Variants in NALF1 observed in about 807,000 individuals in gnomAD.
NALF1 encodes the protein NALCN channel auxiliary factor 1.
Under a neutral mutation model 48.4 loss-of-function variants are expected in NALF1, and 3 were observed. The observed-to-expected ratio is 0.06, with a 90% CI of 0.03 to 0.16. The LOEUF is 0.16. NALF1 is among the 10% of genes least tolerant of loss of function. NALF1 has a pLI of 1.00. For synonymous variants in NALF1, 262 were observed against 245.7 expected, an observed-to-expected ratio of 1.07 and a Z score of -0.62; for missense variants, 526 against 571.5, an observed-to-expected ratio of 0.92 and a Z score of 0.81.
intron 1 of NALF1, among the ~76,000 whole-genome samples, chr13:107,541,004 G>T (rs1183960657): frequency 2.0e-5 from 3 of 151,986 alleles, no homozygotes; most frequent in Admixed American, 2.0e-4. Flanking sequence ...TTCTTAATTA[G>T]ACTTGTTATT....
intron 1 of NALF1, among the ~76,000 whole-genome samples, chr13:107,231,203 TA>T (rs1009225994): frequency 3.9e-5 from 6 of 152,044 alleles, no homozygotes; most frequent in African/African-American, 1.4e-4. Context: ...ATAGGTTTTG[TA>T]AAAATATTTA....
chr13:107,351,943 G>A (rs1245372114), intron 1 of NALF1, among the ~76,000 whole-genome samples: 1 of 152,194 alleles, frequency 6.6e-6, no homozygotes, highest in Non-Finnish European at 1.5e-5. Flanking sequence ...GATAGGCACT[G>A]ATGCTAAACA....
chr13:107,617,654 A>AG (rs1879416093), intron 1 of NALF1, among the ~76,000 whole-genome samples: 1 of 152,238 alleles, frequency 6.6e-6, no homozygotes. Context: ...CAATAGGCTA[A>AG]GGCAGGAAAG....
intron 2 of NALF1, among the ~76,000 whole-genome samples, chr13:107,174,905 A>G (rs1418587821): frequency 6.7e-6 from 1 of 149,766 alleles, no homozygotes; most frequent in Non-Finnish European, 1.5e-5. Context: ...TTTTTTTGAG[A>G]CGGAGTCTCG....
At chr13:107,259,271 T>C (rs1162194482) in intron 1 of NALF1, among the ~76,000 whole-genome samples, 1 of 152,186 alleles carries the variant, frequency 6.6e-6, no homozygotes, top group Non-Finnish European at 1.5e-5. Context: ...GGATCTTCAA[T>C]AACTATTTTC....
intron 1 of NALF1, among the ~76,000 whole-genome samples, chr13:107,609,301 C>T (rs139385846): frequency 8.3e-4 from 126 of 152,276 alleles, no homozygotes; most frequent in African/African-American, 2.8e-3. Context: ...CCAGGAACAT[C>T]ATTCTGTCCT....
At position 107,218,521 on chromosome 13, in the gene NALF1, C is replaced by G. The variant is rs544024803; in HGVS notation, c.916-7766G>C. On this transcript the variant is annotated intron_variant, in intron 1 of 2. Transcript: ENST00000375915. ...ATCCTGCCCAGAGCAGAGACTCAAA[C>G]CAGGAACCCTGATGAGCCCCCAACA... Among the ~76,000 whole-genome samples the G allele has an allele frequency of 5.9e-3, 903 of 152,286 alleles. 4 individuals carry two copies. Among genetic ancestry groups the G allele is most frequent in the African/African-American group, 0.021 (872 of 41,546 alleles).
At chr13:107,826,874 G>C (rs902525543) in intron 1 of NALF1, among the ~76,000 whole-genome samples, 3 of 152,214 alleles carry the variant, frequency 2.0e-5, no homozygotes, top group African/African-American at 4.8e-5. Flanking sequence ...GGACTGCTGG[G>C]AAAAGATATG....
At chr13:107,817,132 ATG>A (rs1291685376) in intron 1 of NALF1, among the ~76,000 whole-genome samples, 1 of 152,208 alleles carries the variant, frequency 6.6e-6, no homozygotes, top group Non-Finnish European at 1.5e-5. Context: ...AGAGGCAAAT[ATG>A]TGATGAAAAT....
intron 1 of NALF1, among the ~76,000 whole-genome samples, chr13:107,834,556 A>C (rs1879834975): frequency 6.6e-6 from 1 of 152,216 alleles, no homozygotes; most frequent in African/African-American, 2.4e-5. Flanking sequence ...ACAATTAACT[A>C]GTGTAATTAA....
intron 1 of NALF1, among the ~76,000 whole-genome samples, chr13:107,538,936 TA>T (rs1383020750): frequency 1.3e-5 from 2 of 152,124 alleles, no homozygotes; most frequent in Non-Finnish European, 2.9e-5. Context: ...CCATTCTTAT[TA>T]TAATTATGAT....
At chr13:107,840,900 T>C (rs182250162) in intron 1 of NALF1, among the ~76,000 whole-genome samples, 1 of 152,298 alleles carries the variant, frequency 6.6e-6, no homozygotes, top group East Asian at 1.9e-4. Context: ...TCTTTATTAT[T>C]TGATTTAAAA....
intron 1 of NALF1, among the ~76,000 whole-genome samples, chr13:107,256,481 G>A (rs531718302): frequency 1.3e-5 from 2 of 152,196 alleles, no homozygotes; most frequent in Non-Finnish European, 2.9e-5. Flanking sequence ...ATTAAAAAGT[G>A]CTTCATATAT....
chr13:107,244,546 A>T (rs1880540458), intron 1 of NALF1, among the ~76,000 whole-genome samples: 1 of 152,142 alleles, frequency 6.6e-6, no homozygotes, highest in Non-Finnish European at 1.5e-5. Context: ...CTCTGTGTCA[A>T]TCTAGTTTTT....
At position 107,328,273 on chromosome 13, in the gene NALF1, TACACACACACAC is replaced by T. The variant is rs34987619; in HGVS notation, c.916-117530_916-117519del. On this transcript the variant is annotated intron_variant, in intron 1 of 2. Coordinates refer to ENST00000375915, the MANE Select transcript of NALF1 (RefSeq NM_001080396.3). The stretch of plus-strand genomic sequence containing the variant: ...TCTTCCAACTTTTCATCTCCTGCAA[TACACACACACAC>T]ACACACACACACACACACACACACA... 3.7e-4 allele frequency among the ~76,000 whole-genome samples: 53 copies of T among 144,028 alleles called. 1 individual carries two copies. The highest frequency in any genetic ancestry group is 4.2e-4 in the East Asian group (2 of 4,730). 94.5% of individuals were successfully genotyped at this position (144,028 alleles called of 152,430 possible). A position where few individuals can be genotyped will look rare whatever the true frequency, so the allele number is the denominator to read the frequency against.
chr13:107,736,965 C>T (rs2138540752), intron 1 of NALF1, among the ~76,000 whole-genome samples: 1 of 152,314 alleles, frequency 6.6e-6, no homozygotes, highest in South Asian at 2.1e-4. Flanking sequence ...GCCTGCCAAC[C>T]ATTGGAGCAG....
intron 1 of NALF1, among the ~76,000 whole-genome samples, chr13:107,286,397 G>A (rs1020105292): frequency 1.3e-4 from 20 of 152,142 alleles, no homozygotes; most frequent in Admixed American, 3.3e-4. Flanking sequence ...ACTTTGGGAG[G>A]CTGAGGGAGC....
intron 1 of NALF1, among the ~76,000 whole-genome samples, chr13:107,775,810 TATTATGTTCCCCACACAAAG>T (rs369301428): frequency 0.039 from 5,909 of 152,294 alleles, 146 homozygotes; most frequent in African/African-American, 0.066. Flanking sequence ...TATAGAAAAG[TATTATGTTCCCCACACAAAG>T]ATAAGGCAAC....
chr13:107,550,272 G>T (rs978453717), intron 1 of NALF1, among the ~76,000 whole-genome samples: 25 of 151,984 alleles, frequency 1.6e-4, no homozygotes, highest in African/African-American at 5.8e-4. Flanking sequence ...TCCCTCCCAA[G>T]TCTCACTGTC....
Sources: gnomAD v4.1 joint callset for allele counts (sites outside exome capture counted in the v4.1 genomes callset) on GRCh38, gnomAD v4.1.1 for gene constraint, MANE v1.5 for transcripts, NCBI Gene and HGNC (gene_info 2026-07-23, HGNC 2026-07-21) for gene names.